The following PLCL1 variants were observed in gnomAD, a reference collection of about 807,000 sequenced individuals.
PLCL1 encodes the protein phospholipase C like 1 (inactive).
PLCL1 carries 41 observed loss-of-function variants against 84.4 expected under a neutral mutation model. The ratio of observed to expected loss-of-function variants is 0.49; its 90% CI spans 0.38 to 0.63. The LOEUF is 0.63. Ranked by LOEUF, PLCL1 falls within the 30% of genes least tolerant of loss-of-function variation. PLCL1 has a pLI of 0.00. For synonymous variants in PLCL1, 490 were observed against 488.3 expected (o/e 1.00, Z -0.05); for missense variants, 1,206 against 1,367.8 (o/e 0.88, Z 1.87).
chr2:197,896,144 T>C (rs1688129237), intron 1 of PLCL1, among the ~76,000 whole-genome samples: 1 of 152,006 alleles, frequency 6.6e-6, no homozygotes, highest in African/African-American at 2.4e-5. Context: ...ATGAGGCAGA[T>C]TATAAACTGT....
chr2:198,044,681 TATC>T (rs1248719784), intron 1 of PLCL1, among the ~76,000 whole-genome samples: 3 of 152,162 alleles, frequency 2.0e-5, no homozygotes, highest in African/African-American at 7.2e-5. Context: ...AGTGAGTCAT[TATC>T]ATGTAGAAAT....
At chr2:198,048,137 C>G (rs1680872026) in intron 1 of PLCL1, among the ~76,000 whole-genome samples, 2 of 152,188 alleles carry the variant, frequency 1.3e-5, no homozygotes, top group Non-Finnish European at 2.9e-5. Context: ...TATAAAGAAG[C>G]AAGTTGGTGA....
In PLCL1 at chr2:197,821,757, G is replaced by C. The variant is rs112522860; in HGVS notation, c.240+16418G>C. 4.4e-3 allele frequency among the ~76,000 whole-genome samples: 663 copies of C among 152,250 alleles called. 3 individuals carry two copies. Among genetic ancestry groups the C allele is most frequent in the Non-Finnish European group, 6.1e-3 (418 of 68,006 alleles). On this transcript the variant is annotated intron_variant, in intron 1 of 5. Transcript: ENST00000428675. ...GCTGCAAAGAAGGCTGGAAAATGTAGTCTTTATCAGGATGGCCATGTGCTT... is the reference window on the plus strand; with the variant it reads ...GCTGCAAAGAAGGCTGGAAAATGTACTCTTTATCAGGATGGCCATGTGCTT...
intron 5 of PLCL1, among the ~76,000 whole-genome samples, chr2:198,115,926 A>T (rs1693735911): frequency 6.7e-6 from 1 of 148,408 alleles, no homozygotes; most frequent in Non-Finnish European, 1.5e-5. Context: ...ATTTTTATGA[A>T]ATATAAAATT....
chr2:197,922,544 G>A (rs1196253472), intron 1 of PLCL1, among the ~76,000 whole-genome samples: 14,345 of 114,546 alleles, frequency 0.13, 1,096 homozygotes, highest in East Asian at 0.18. Context: ...TCCCAGACGG[G>A]GTGGTGGCCG....
chr2:198,066,926 G>A (rs966316438), intron 1 of PLCL1, among the ~76,000 whole-genome samples: 1 of 152,024 alleles, frequency 6.6e-6, no homozygotes, highest in African/African-American at 2.4e-5. Flanking sequence ...TTTCAGAGCA[G>A]TTCTTATCAT....
At chr2:197,905,410 T>TG (rs2105740966) in intron 1 of PLCL1, among the ~76,000 whole-genome samples, 1 of 152,348 alleles carries the variant, frequency 6.6e-6, no homozygotes, top group South Asian at 2.1e-4. Context: ...TCCATGTCCC[T>TG]GCAAAGGACA....
At chr2:198,093,656 T>C (rs1282517792) in intron 3 of PLCL1, among the ~76,000 whole-genome samples, 1 of 152,130 alleles carries the variant, frequency 6.6e-6, no homozygotes, top group Non-Finnish European at 1.5e-5. Flanking sequence ...AAAATGGTAA[T>C]GAACTGTGTA....
chr2:198,101,048 C>T (rs889563561), intron 3 of PLCL1, among the ~76,000 whole-genome samples: 2 of 151,952 alleles, frequency 1.3e-5, no homozygotes, highest in African/African-American at 4.8e-5. Flanking sequence ...TATTTGGTGC[C>T]CACTGTGTGC....
chr2:198,079,187 G>A (rs2105892121), intron 1 of PLCL1, among the ~76,000 whole-genome samples: 1 of 151,744 alleles, frequency 6.6e-6, no homozygotes, highest in South Asian at 2.1e-4. Flanking sequence ...GAGAGCAAAT[G>A]TCAATGGGAA....
At chr2:197,849,968 CAAGTTTTCAGTGATT>C (rs1559024527) in intron 1 of PLCL1, among the ~76,000 whole-genome samples, 2 of 151,662 alleles carry the variant, frequency 1.3e-5, no homozygotes, top group African/African-American at 4.8e-5. Flanking sequence ...CCTTTTAACA[CAAGTTTTCAGTGATT>C]CTCTTAGAGG....
At chr2:197,847,788 G>C (rs1199414377) in intron 1 of PLCL1, among the ~76,000 whole-genome samples, 1 of 152,176 alleles carries the variant, frequency 6.6e-6, no homozygotes, top group Admixed American at 6.5e-5. Context: ...CTCTCAAGCT[G>C]TCTCCCTATT....
intron 1 of PLCL1, among the ~76,000 whole-genome samples, chr2:197,986,641 G>C (rs537669778): frequency 1.3e-5 from 2 of 152,294 alleles, no homozygotes. Flanking sequence ...GAGCCACAGA[G>C]TCTGGCTTCA....
intron 1 of PLCL1, among the ~76,000 whole-genome samples, chr2:197,990,877 C>T (rs1347539917): frequency 6.6e-6 from 1 of 152,142 alleles, no homozygotes; most frequent in Non-Finnish European, 1.5e-5. Flanking sequence ...GAATTTATAG[C>T]ATTCCAAGAT....
At chr2:197,902,497 G>A (rs1178830286) in intron 1 of PLCL1, among the ~76,000 whole-genome samples, 1 of 152,156 alleles carries the variant, frequency 6.6e-6, no homozygotes, top group Non-Finnish European at 1.5e-5. Context: ...GGAGAACAAA[G>A]AGCTACAGCT....
chr2:197,816,773 A>G (rs1690698476), intron 1 of PLCL1, among the ~76,000 whole-genome samples: 1 of 152,176 alleles, frequency 6.6e-6, no homozygotes, highest in African/African-American at 2.4e-5. Context: ...TATGGTCAAG[A>G]TTTCCTCCTA....
At chr2:197,927,405 G>A (rs1482782082) in intron 1 of PLCL1, among the ~76,000 whole-genome samples, 2 of 152,164 alleles carry the variant, frequency 1.3e-5, no homozygotes, top group Non-Finnish European at 2.9e-5. Context: ...ACCCTCTTCT[G>A]TGATGCTTCA....
At chr2:197,927,997 A>G (rs1163780462) in intron 1 of PLCL1, among the ~76,000 whole-genome samples, 1 of 151,662 alleles carries the variant, frequency 6.6e-6, no homozygotes, top group Non-Finnish European at 1.5e-5. Flanking sequence ...GGTTAAATTT[A>G]GAACCAAGGG....
At chr2:197,935,643 A>G (rs1271362988) in intron 1 of PLCL1, among the ~76,000 whole-genome samples, 3 of 152,152 alleles carry the variant, frequency 2.0e-5, no homozygotes, top group Non-Finnish European at 4.4e-5. Context: ...GAGAGGATCG[A>G]AAAACTACCT....
Sources: allele counts gnomAD v4.1 joint callset (sites outside exome capture counted in the v4.1 genomes callset), GRCh38; gene constraint gnomAD v4.1.1; transcripts MANE v1.5; gene names NCBI Gene and HGNC (gene_info 2026-07-23, HGNC 2026-07-21).